The following CNOT2 variants were observed in gnomAD, a reference collection of about 807,000 sequenced individuals.
CNOT2 encodes the protein CCR4-NOT transcription complex subunit 2, also known as CC chemokine receptor 4-negative regulator of transcription 2.
CNOT2 carries 7 observed loss-of-function variants against 72.1 expected under a neutral mutation model. The observed-to-expected ratio is 0.10, with a 90% CI of 0.06 to 0.18. The LOEUF (loss-of-function observed/expected upper bound fraction) is 0.18. CNOT2 is among the 10% of genes least tolerant of loss of function. The probability of loss-of-function intolerance (pLI) is 1.00; values close to 1 mark genes in which losing one functional copy is unlikely to be tolerated. For synonymous variants in CNOT2, 196 were observed against 225.6 expected (o/e 0.87, Z 1.17); for missense variants, 345 against 660.3 (o/e 0.52, Z 5.23).
intron 4 of CNOT2, chr12:70,323,564 T>C (rs1376666190): frequency 6.6e-6 from 1 of 151,774 alleles, no homozygotes; most frequent in Non-Finnish European, 1.5e-5. Flanking sequence ...GATGAGATTA[T>C]ATTTGAGATT....
intron 1 of CNOT2, chr12:70,244,053 T>G (rs1056176786): frequency 5.9e-5 from 9 of 152,368 alleles, no homozygotes; most frequent in African/African-American, 2.2e-4. Flanking sequence ...GTTAGTGTGT[T>G]TGCAAGTGTC....
At chr12:70,351,575 A>G (rs886109268) in intron 15 of CNOT2, among the ~76,000 whole-genome samples, 1 of 152,142 alleles carries the variant, frequency 6.6e-6, no homozygotes, top group Non-Finnish European at 1.5e-5. Flanking sequence ...TTTCTGGGGG[A>G]AAATGTACAT....
chr12:70,335,747 A>T, intron 8 of CNOT2, 184 bp downstream of exon 8: 1 of 415,742 alleles, frequency 2.4e-6, no homozygotes. Context: ...CCAGAATACC[A>T]TGATAGCAAA....
At chr12:70,289,095 T>C (rs923612582) in intron 2 of CNOT2, among the ~76,000 whole-genome samples, 1 of 151,900 alleles carries the variant, frequency 6.6e-6, no homozygotes, top group Non-Finnish European at 1.5e-5. Context: ...TCTTTCTTCA[T>C]AATATTTTTC....
At chr12:70,255,359 T>C (rs190674159) in intron 1 of CNOT2, among the ~76,000 whole-genome samples, 8 of 152,326 alleles carry the variant, frequency 5.3e-5, no homozygotes, top group African/African-American at 9.6e-5. Flanking sequence ...AGAATGTCAG[T>C]GCAGTAGTTT....
At chr12:70,289,167 T>C (rs1871431392) in intron 2 of CNOT2, among the ~76,000 whole-genome samples, 1 of 152,056 alleles carries the variant, frequency 6.6e-6, no homozygotes, top group South Asian at 2.1e-4. Context: ...TGAATTATTT[T>C]AGGTTTTGTT....
chr12:70,313,357 C>T lies in CNOT2; in HGVS notation c.171+2340C>T, dbSNP rs560467726. On this transcript the variant is annotated intron_variant, in intron 3 of 15. Transcript: ENST00000229195. ...TTTAATTCTTGGTATATGTAGTATA[C>T]GTATATTTGTCATTTTAATTAAATG... Among the ~76,000 whole-genome samples the T allele has an allele frequency of 1.4e-4, 21 of 151,936 alleles. No homozygotes were observed. The South Asian group carries it at 3.9e-3, about 29-fold the overall frequency.
intron 3 of CNOT2, among the ~76,000 whole-genome samples, chr12:70,316,975 A>C (rs12320488): frequency 6.6e-6 from 1 of 152,176 alleles, no homozygotes; most frequent in Non-Finnish European, 1.5e-5. Context: ...TTGTTTGACA[A>C]TATTCACATT....
chr12:70,265,048 G>T (rs1524245), intron 1 of CNOT2, among the ~76,000 whole-genome samples: 2 of 151,620 alleles, frequency 1.3e-5, no homozygotes, highest in African/African-American at 4.8e-5. Flanking sequence ...CTAATATTTT[G>T]TTGAGAATTT....
chr12:70,308,178 C>T (rs1875774402), intron 2 of CNOT2, among the ~76,000 whole-genome samples: 1 of 152,152 alleles, frequency 6.6e-6, no homozygotes, highest in Non-Finnish European at 1.5e-5. Flanking sequence ...GTTTTCATCT[C>T]AGTTTTATGT....
chr12:70,302,573 C>A (rs1435962798), intron 2 of CNOT2, among the ~76,000 whole-genome samples: 1 of 152,166 alleles, frequency 6.6e-6, no homozygotes, highest in East Asian at 1.9e-4. Flanking sequence ...GCACTGTGGT[C>A]TGAGAGACAG....
chr12:70,346,589 A>G (rs1299659911), intron 15 of CNOT2: 4 of 269,440 alleles, frequency 1.5e-5, no homozygotes, highest in African/African-American at 8.8e-5. Flanking sequence ...TTTTGTGTCT[A>G]CTGCTTTGTA....
chr12:70,253,213 G>C (rs1353524379), intron 1 of CNOT2, among the ~76,000 whole-genome samples: 1 of 152,158 alleles, frequency 6.6e-6, no homozygotes, highest in African/African-American at 2.4e-5. Context: ...AGACAGACTG[G>C]TGTCTACCTT....
At position 70,265,320 on chromosome 12, in the gene CNOT2, C is replaced by CTT. The variant is rs1274312372; in HGVS notation, c.-95-12811_-95-12810dup. ...CTTCTCTTCTCTTCTCTTCTCTTCT[C>CTT]TTCTCTTTCTTTCTTTTTTCTTTCT... is the stretch of plus-strand genomic sequence containing the variant. On this transcript the variant is annotated intron_variant, in intron 1 of 15. Transcript: ENST00000229195. Among the ~76,000 whole-genome samples, 3 of 145,776 alleles carry CTT rather than the reference C, an allele frequency of 2.1e-5. No homozygotes were observed. In the East Asian group the frequency reaches 5.9e-4, roughly 29 times the overall value.
chr12:70,281,768 A>G (rs1473426053), intron 2 of CNOT2, among the ~76,000 whole-genome samples: 2 of 152,172 alleles, frequency 1.3e-5, no homozygotes, highest in African/African-American at 2.4e-5. Context: ...TTGTCTTCCT[A>G]TAGACTTGTG....
rs188984517 is a variant in CNOT2 at position 70,278,148 on chromosome 12, C to T, written c.-79C>T. On this transcript the variant is annotated 5_prime_UTR_variant, in exon 2 of 16. Coordinates refer to ENST00000229195, the MANE Select transcript of CNOT2 (RefSeq NM_014515.7). ...CCACTCTAGAGGGAGACGTGGTGGG[C>T]GGTCCTTCCTGTGACACGACCCTTG... 1.1e-3 allele frequency: 1,032 copies of T among 976,496 alleles called. 1 individual carries two copies. Among genetic ancestry groups the T allele is most frequent in the Non-Finnish European group, 1.3e-3 (785 of 621,946 alleles). The allele number at this position is 976,496 out of a possible 1,614,324, so 60.5% of individuals were successfully genotyped here. A position where few individuals can be genotyped will look rare whatever the true frequency, so the allele number is the denominator to read the frequency against.
chr12:70,337,583 T>A, intron 9 of CNOT2, 70 bp downstream of exon 9: 1 of 1,419,968 alleles, frequency 7.0e-7, no homozygotes, highest in Non-Finnish European at 9.9e-7. Flanking sequence ...TATTAACAAT[T>A]ACTTACTAAA....
chr12:70,275,848 A>G (rs963560155), intron 1 of CNOT2, among the ~76,000 whole-genome samples: 9 of 152,056 alleles, frequency 5.9e-5, no homozygotes, highest in African/African-American at 2.2e-4. Flanking sequence ...AACAGAATTT[A>G]TTGCTGAATA....
chr12:70,295,171 A>G (rs1355435686), intron 2 of CNOT2, among the ~76,000 whole-genome samples: 1 of 152,086 alleles, frequency 6.6e-6, no homozygotes, highest in Non-Finnish European at 1.5e-5. Context: ...TGATTTATAG[A>G]TTTTTGCACA....
Sources: allele counts gnomAD v4.1 joint callset (sites outside exome capture counted in the v4.1 genomes callset), GRCh38; gene constraint gnomAD v4.1.1; transcripts MANE v1.5; gene names NCBI Gene and HGNC (gene_info 2026-07-23, HGNC 2026-07-21).